IPO4: variants seen among roughly 807,000 people sequenced by gnomAD.
IPO4 encodes importin 4.
A neutral mutation model predicts 133.5 loss-of-function variants in IPO4; 91 were observed. The ratio of observed to expected loss-of-function variants is 0.68; its 90% CI spans 0.58 to 0.81. IPO4 has a LOEUF of 0.81. Ranked by LOEUF, IPO4 falls within the 30% of genes least tolerant of loss-of-function variation. The pLI is 0.00. For missense variants in IPO4, 1,279 were observed against 1,386.2 expected (o/e 0.92, Z 1.23); for synonymous variants, 607 against 581.6 (o/e 1.04, Z -0.63).
intron 2 of IPO4, 53 bp downstream of exon 2, chr14:24,188,499 C>T: frequency 6.2e-7 from 1 of 1,607,554 alleles, no homozygotes; most frequent in South Asian, 1.1e-5. Context: ...AATACTGGGG[C>T]TTGACCGGTG....
intron 18 of IPO4, 26 bp downstream of exon 18, chr14:24,183,972 G>GGGC: frequency 2.5e-6 from 4 of 1,573,192 alleles, no homozygotes; most frequent in Non-Finnish European, 3.5e-6. Flanking sequence ...GGCAGGCCTG[G>GGGC]CCCAGCCCAC....
intron 16 of IPO4, 32 bp downstream of exon 16, chr14:24,184,618 C>G (rs746887129): frequency 6.6e-7 from 1 of 1,523,180 alleles, no homozygotes; most frequent in Non-Finnish European, 8.9e-7. Flanking sequence ...TTTGCTGGCA[C>G]TGGGAGCCCC....
In IPO4 at chr14:24,183,095, C is replaced by T. The variant is rs745476832; in HGVS notation, c.2302G>A (p.Val768Met). 1.5e-5 allele frequency: 24 copies of T among 1,613,884 alleles called. No individual in the cohort carries two copies. The highest frequency in any genetic ancestry group is 1.9e-5 in the Non-Finnish European group (22 of 1,180,034). ...AVNRERERQVVMAVLEALTGV... is the reference protein window; with the variant it reads ...AVNRERERQVMMAVLEALTGV... ...GTCAGGGCCTCCAGCACGGCCATCACCACCTGGCGTTCCCGCTCCCTGTTC... is the reference window on the plus strand; with the variant it reads ...GTCAGGGCCTCCAGCACGGCCATCATCACCTGGCGTTCCCGCTCCCTGTTC... The change falls in exon 23 of 30, where the codon GTG becomes ATG. Residue 768 changes from valine to methionine, a missense_variant. Physicochemically the swap from Val to Met is conservative, Grantham distance 21. Transcript: ENST00000354464.
At chr14:24,187,366 A>C (rs759448995) in intron 6 of IPO4, 34 bp downstream of exon 6, 20 of 1,607,860 alleles carry the variant, frequency 1.2e-5, no homozygotes, top group Non-Finnish European at 1.7e-5. Context: ...GCATGAGGAA[A>C]GGGAGTCAAA....
chr14:24,185,981 A>G lies in IPO4; in HGVS notation c.1060-11T>C. ...TTCCAACATGGGCATCTAGGGAAGC[A>G]TGTGGCACGCTTCTGAAACCCCAGC... On this transcript the variant is annotated splice_polypyrimidine_tract_variant and intron_variant, in intron 11 of 29. Transcript: ENST00000354464. 6.2e-7 allele frequency: 1 copy of G among 1,611,400 alleles called. No individual in the cohort carries two copies. The highest frequency in any genetic ancestry group is 2.2e-5 in the East Asian group (1 of 44,856).
intron 14 of IPO4, 49 bp from the exon 15 acceptor site, chr14:24,185,029 C>A: frequency 6.3e-7 from 1 of 1,593,026 alleles, no homozygotes; most frequent in South Asian, 1.1e-5. Context: ...CTGCTACCTG[C>A]ACGCCCACCT....
intron 8 of IPO4, 30 bp downstream of exon 8, chr14:24,186,848 T>C: frequency 3.7e-6 from 6 of 1,610,108 alleles, no homozygotes; most frequent in Non-Finnish European, 5.1e-6. Context: ...GCAGAGCATG[T>C]AGCAGGGGCC....
chr14:24,184,558 A>T, intron 16 of IPO4, 92 bp downstream of exon 16: 1 of 1,407,870 alleles, frequency 7.1e-7, no homozygotes, highest in Non-Finnish European at 9.6e-7. Context: ...GAAGGAAGAC[A>T]TCCGTGCTCC....
At position 24,182,395 on chromosome 14, in the gene IPO4, G is replaced by A. The variant is rs373488720; in HGVS notation, c.2481C>T (p.Tyr827=). The change falls in exon 25 of 30, where the codon TAC becomes TAT. Residue 827 remains tyrosine, a synonymous_variant. Transcript: ENST00000354464. ...CAGCGTGCTCCAGCAACATGGCGTC[G>A]TATTCAGCCTGTGGAGCCAGGTCAG... The part of the protein sequence containing the change: ...EEEEDDDQAE[Y]DAMLLEHAGE... The A allele has an allele frequency of 2.7e-5, 43 of 1,610,418 alleles. No individual in the cohort carries two copies. The highest frequency in any genetic ancestry group is 1.9e-4 in the Admixed American group (11 of 59,286).
intron 28 of IPO4, among the ~76,000 whole-genome samples, chr14:24,181,126 A>T (rs565553732): frequency 1.3e-5 from 2 of 152,286 alleles, no homozygotes; most frequent in Admixed American, 6.5e-5. Flanking sequence ...CTCTTCAGAG[A>T]GCAGAGCTGA....
chr14:24,181,760 G>A lies in IPO4; in HGVS notation c.2891C>T (p.Ala964Val). 6.2e-7 allele frequency: 1 copy of A among 1,602,572 alleles called. No homozygotes were observed. The highest frequency in any genetic ancestry group is 8.5e-7 in the Non-Finnish European group (1 of 1,172,770). ...ACTGGCCATCAACAGGCGGGCAAGT[G>A]CCCCACAGATGTTGTCACGGACACG... ...HDRVRDNICG[A>V]LARLLMASPT... The change falls in exon 27 of 30, where the codon GCA becomes GTA. Residue 964 changes from alanine to valine, a missense_variant. By Grantham distance (64) the Ala-to-Val change is moderately conservative (BLOSUM62 0). Coordinates refer to ENST00000354464, the MANE Select transcript of IPO4 (RefSeq NM_024658.4).
Position 24,187,744 on chromosome 14 carries a change from C to G in IPO4, c.331G>C (p.Glu111Gln). ...AGCTGTGGCCAGGCCTCCAAGCCTTCCTTTCGAAAAATGGTGGCTGAGAGC... is the reference window on the plus strand; with the variant it reads ...AGCTGTGGCCAGGCCTCCAAGCCTTGCTTTCGAAAAATGGTGGCTGAGAGC... ...AQLSATIFRKEGLEAWPQLLQ... is the reference protein window; with the variant it reads ...AQLSATIFRKQGLEAWPQLLQ... Residue 111 changes from glutamate to glutamine, a missense_variant, in exon 5 of 30, where the codon GAA becomes CAA. By Grantham distance (29) the Glu-to-Gln change is conservative (BLOSUM62 2). Around this residue, in one of 3 missense-constraint regions of IPO4, gnomAD observed 695 missense variants for 704.1 expected, o/e 0.99. Coordinates refer to ENST00000354464, the MANE Select transcript of IPO4 (RefSeq NM_024658.4). 1 of 1,614,184 alleles carries G rather than the reference C, an allele frequency of 6.2e-7. No homozygotes were observed. The highest frequency in any genetic ancestry group is 8.5e-7 in the Non-Finnish European group (1 of 1,180,040).
rs1234834054 is a variant in IPO4, at chr14:24,181,618, C to G, written c.2941-1G>C. On this transcript the variant is annotated splice_acceptor_variant, in intron 27 of 29. Transcript: ENST00000354464. LOFTEE classifies it high-confidence loss of function. ...GGGCATGCAGTAGGGCAGCCAGCAC[C>G]TGGGCACACAAATGTCTCAGGCCAA... The G allele has an allele frequency of 2.4e-5, 39 of 1,614,000 alleles. No homozygotes were observed. Among genetic ancestry groups the G allele is most frequent in the Non-Finnish European group, 2.7e-5 (32 of 1,179,996 alleles).
chr14:24,186,112 G>A lies in IPO4; in HGVS notation c.1059+17C>T. The A allele has an allele frequency of 6.2e-7, 1 of 1,613,620 alleles. No homozygotes were observed. The highest frequency in any genetic ancestry group is 8.5e-7 in the Non-Finnish European group (1 of 1,179,832). On this transcript the variant is annotated intron_variant, in intron 11 of 29. Transcript: ENST00000354464. Reference sequence around the variant, plus strand: ...CACTTGGAGGTAGGGACACCAGAAGGACAGAGCCACACTTACCAGCTGGGG... The same window carrying A: ...CACTTGGAGGTAGGGACACCAGAAGAACAGAGCCACACTTACCAGCTGGGG...
chr14:24,180,485 A>G lies in IPO4; in HGVS notation c.3203T>C (p.Val1068Ala), dbSNP rs1232279999. ...AGCCTGGAGCTCCTGAGCCTTGTCA[A>G]CAGGCAGTGAGCCCAGAGCTGCTTG... is the stretch of plus-strand genomic sequence containing the variant. The part of the protein sequence containing the change: ...SFQAALGSLP[V>A]DKAQELQAVL... Residue 1068 changes from valine to alanine, a missense_variant, in exon 30 of 30, where the codon GTT becomes GCT. Physicochemically the swap from Val to Ala is moderately conservative, Grantham distance 64. Transcript: ENST00000354464. 6.2e-7 allele frequency: 1 copy of G among 1,613,764 alleles called. No individual in the cohort carries two copies. The highest frequency in any genetic ancestry group is 1.7e-5 in the Admixed American group (1 of 59,986).
In IPO4 at chr14:24,184,939, T is replaced by A; in HGVS notation, c.1450A>T (p.Met484Leu). Reference protein sequence around the residue: ...QPYLPELMECMLQLLRNPSSP... With the variant: ...QPYLPELMECLLQLLRNPSSP... The stretch of plus-strand genomic sequence containing the variant: ...CTGGGGTTCCTCAGAAGCTGCAGCA[T>A]GCATTCCATAAGCTCCGGAAGGTAG... Residue 484 changes from methionine to leucine, a missense_variant, in exon 15 of 30, where the codon ATG becomes TTG. By Grantham distance (15) the Met-to-Leu change is conservative. Transcript: ENST00000354464. 6.2e-7 allele frequency: 1 copy of A among 1,614,094 alleles called. No homozygotes were observed. Among genetic ancestry groups the A allele is most frequent in the Non-Finnish European group, 8.5e-7 (1 of 1,180,010 alleles).
Position 24,188,396 on chromosome 14 carries a change from G to T in IPO4, c.184C>A (p.Arg62Ser). The change falls in exon 3 of 30, where the codon CGC (arginine) becomes AGC (serine). Residue 62 changes from arginine (R) to serine (S), a missense_variant. By Grantham distance (110) the Arg-to-Ser change is moderately radical. Around this residue, in one of 3 missense-constraint regions of IPO4, gnomAD observed 695 missense variants for 704.1 expected, o/e 0.99. Transcript: ENST00000354464. ...CGCCAGCGGGTGTTCAGTCGTCTGCGGGTCAGCACGGCCGCAAACTGGCGG... is the reference window on the plus strand; with the variant it reads ...CGCCAGCGGGTGTTCAGTCGTCTGCTGGTCAGCACGGCCGCAAACTGGCGG... ...QIRQFAAVLTRRRLNTRWRRL... is the reference protein window; with the variant it reads ...QIRQFAAVLTSRRLNTRWRRL... 1 of 1,612,398 alleles carries T rather than the reference G, an allele frequency of 6.2e-7. No homozygotes were observed.
Position 24,188,754 on chromosome 14 carries a change from C to G in IPO4, c.34G>C (p.Glu12Gln), listed in dbSNP as rs1214632623. 1 of 1,535,068 alleles carries G rather than the reference C, an allele frequency of 6.5e-7. No homozygotes were observed. The highest frequency in any genetic ancestry group is 8.8e-7 in the Non-Finnish European group (1 of 1,141,882). ...CGCTCGGTGTCCGGTAGCAGCAGCT[C>G]CCGTAGGAGCTGCTCTAGCCCGGCT... ...ESAGLEQLLRELLLPDTERIR... is the reference protein window; with the variant it reads ...ESAGLEQLLRQLLLPDTERIR... Residue 12 changes from glutamate (E) to glutamine (Q), a missense_variant, in exon 1 of 30, where the codon GAG (glutamate) becomes CAG (glutamine). This residue lies in a region of IPO4 where 695 missense variants were observed against 704.1 expected (regional missense o/e 0.99). Transcript: ENST00000354464.
At position 24,180,628 on chromosome 14, in the gene IPO4, C is replaced by T; in HGVS notation, c.3116-56G>A. 6 of 1,612,422 alleles carry T rather than the reference C, an allele frequency of 3.7e-6. No individual in the cohort carries two copies. In the South Asian group the frequency reaches 5.5e-5, roughly 15 times the overall value. On this transcript the variant is annotated intron_variant, in intron 29 of 29. Coordinates refer to ENST00000354464, the MANE Select transcript of IPO4 (RefSeq NM_024658.4). ...GCTCCTAAAGCCTCGCTGCCCCAGG[C>T]TCTCTGAGCCCTGCCACTCCCAGCC...
Sources: allele counts gnomAD v4.1 joint callset (sites outside exome capture counted in the v4.1 genomes callset), GRCh38; gene constraint gnomAD v4.1.1; regional missense constraint gnomAD v4.1.1; transcripts MANE v1.5; gene names NCBI Gene and HGNC (gene_info 2026-07-23, HGNC 2026-07-21).